The following CDC42BPA variants were observed in gnomAD, a reference collection of about 807,000 sequenced individuals.
CDC42BPA encodes the protein CDC42 binding protein kinase alpha.
In CDC42BPA, 80 loss-of-function variants were observed where a neutral mutation model predicts 223.5. The observed-to-expected ratio is 0.36, with a 90% CI of 0.30 to 0.43. The LOEUF is 0.43. Among genes scored for constraint, CDC42BPA ranks in the 20% least tolerant of loss-of-function variants. CDC42BPA has a pLI of 1.00. For synonymous variants in CDC42BPA, 694 were observed against 718.6 expected, an observed-to-expected ratio of 0.97 and a Z score of 0.55; for missense variants, 1,743 against 2,099.9, an observed-to-expected ratio of 0.83 and a Z score of 3.32.
At chr1:227,129,604 T>C (rs1230883072) in intron 10 of CDC42BPA, among the ~76,000 whole-genome samples, 2 of 128,556 alleles carry the variant, frequency 1.6e-5, no homozygotes, top group African/African-American at 3.0e-5. Context: ...GAGGTTGAGG[T>C]GGTAGTGAGC....
At chr1:227,033,872 C>G (rs935254149) in intron 26 of CDC42BPA, among the ~76,000 whole-genome samples, 9 of 152,184 alleles carry the variant, frequency 5.9e-5, no homozygotes, top group Non-Finnish European at 8.8e-5. Context: ...CTCCCTTAGT[C>G]TTACAGGCTT....
rs145018031 is a variant in CDC42BPA at position 226,994,323 on chromosome 1, C to T, written c.5210G>A (p.Arg1737Gln). 7.5e-5 allele frequency: 120 copies of T among 1,598,044 alleles called. No homozygotes were observed. Among genetic ancestry groups the T allele is most frequent in the Non-Finnish European group, 9.3e-5 (109 of 1,171,144 alleles). Reference sequence around the variant, plus strand: ...CTCCAGGGAGAGGCTCTTGGTTTTTCGGGGTGAAGCTGGGCTTGGGGGGCT... The same window carrying T: ...CTCCAGGGAGAGGCTCTTGGTTTTTTGGGGTGAAGCTGGGCTTGGGGGGCT... ...LSSPPSPASP[R>Q]KTKSLSLEST... The change falls in exon 37 of 37, where the codon CGA becomes CAA. Residue 1737 changes from arginine (R) to glutamine (Q), a missense_variant. Coordinates refer to ENST00000366766, the MANE Select transcript of CDC42BPA (RefSeq NM_001394014.1). The surrounding 1 kb of genome is among the most constrained non-coding windows in gnomAD (Gnocchi z 4.0).
intron 3 of CDC42BPA, among the ~76,000 whole-genome samples, chr1:227,210,326 A>G (rs1034060954): frequency 1.3e-5 from 2 of 152,312 alleles, no homozygotes; most frequent in South Asian, 2.1e-4. Flanking sequence ...TTCTATCAGC[A>G]TAATACTGAC....
chr1:227,222,930 A>G (rs1298074624), intron 2 of CDC42BPA, among the ~76,000 whole-genome samples: 18 of 152,122 alleles, frequency 1.2e-4, no homozygotes, highest in Admixed American at 1.2e-3. Context: ...TGGCCCCCAC[A>G]AGTTCCTGCC....
At chr1:227,073,596 TA>T (rs1198702566) in intron 19 of CDC42BPA, among the ~76,000 whole-genome samples, 3 of 152,104 alleles carry the variant, frequency 2.0e-5, no homozygotes, top group Non-Finnish European at 2.9e-5. Context: ...GAGAGTCAAC[TA>T]AATTTTATGA....
intron 6 of CDC42BPA, among the ~76,000 whole-genome samples, chr1:227,149,780 C>T (rs1042239142): frequency 1.3e-5 from 2 of 151,986 alleles, no homozygotes; most frequent in African/African-American, 2.4e-5. Context: ...AAGGCTAAGA[C>T]GTACAGACCC....
chr1:227,232,436 A>T (rs1281066049), intron 2 of CDC42BPA, among the ~76,000 whole-genome samples: 2 of 152,160 alleles, frequency 1.3e-5, no homozygotes, highest in Non-Finnish European at 2.9e-5. Context: ...TTGTCCGTCC[A>T]GCTTTGTTCC....
chr1:227,052,039 G>C, intron 21 of CDC42BPA, 54 bp from the exon 22 acceptor site: 2 of 1,100,602 alleles, frequency 1.8e-6, no homozygotes, highest in Non-Finnish European at 2.6e-6. Flanking sequence ...TTTCAACAAT[G>C]TGCAGGCTTA....
At chr1:227,266,294 GA>G (rs1265145593) in intron 1 of CDC42BPA, among the ~76,000 whole-genome samples, 1 of 152,132 alleles carries the variant, frequency 6.6e-6, no homozygotes, top group Non-Finnish European at 1.5e-5. Flanking sequence ...AGAACAAGGA[GA>G]AAGCCCTTTC....
intron 1 of CDC42BPA, among the ~76,000 whole-genome samples, chr1:227,301,112 T>C (rs1256277631): frequency 6.6e-6 from 1 of 152,214 alleles, no homozygotes; most frequent in Non-Finnish European, 1.5e-5. Context: ...GAATTTAACC[T>C]ACATAGGTTT....
chr1:227,162,532 C>G (rs887882660), intron 5 of CDC42BPA, among the ~76,000 whole-genome samples: 2 of 152,116 alleles, frequency 1.3e-5, no homozygotes, highest in Admixed American at 6.6e-5. Flanking sequence ...AAATATTATG[C>G]TTCATCAGCT....
chr1:227,078,104 C>G (rs559507072), intron 17 of CDC42BPA, among the ~76,000 whole-genome samples: 1 of 152,118 alleles, frequency 6.6e-6, no homozygotes, highest in Non-Finnish European at 1.5e-5. Context: ...AACTTTATTA[C>G]TCTTATTTCC....
Position 227,029,171 on chromosome 1 carries a change from T to C in CDC42BPA, c.3918A>G (p.Ser1306=), listed in dbSNP as rs1262763167. ...IPNDQLVAVI[S]GRNRHVRLFP... ...AAAGTCGTACATGACGATTTCGTCC[T>C]GAGATCACAGCAACAAGCTGATCAT... is the stretch of plus-strand genomic sequence containing the variant. Residue 1306 remains serine, a synonymous_variant, in exon 30 of 37, where the codon TCA becomes TCG. Transcript: ENST00000366766. The C allele has an allele frequency of 3.7e-6, 6 of 1,603,082 alleles. No individual in the cohort carries two copies. The East Asian group carries it at 1.1e-4, about 30-fold the overall frequency.
intron 21 of CDC42BPA, among the ~76,000 whole-genome samples, chr1:227,062,810 A>T (rs1216347433): frequency 6.6e-6 from 1 of 151,414 alleles, no homozygotes; most frequent in Non-Finnish European, 1.5e-5. Context: ...CCCATGTAAA[A>T]AGTGCTAAAA....
intron 1 of CDC42BPA, among the ~76,000 whole-genome samples, chr1:227,310,169 T>C (rs1213496904): frequency 1.3e-5 from 2 of 152,212 alleles, no homozygotes; most frequent in Admixed American, 6.5e-5. Context: ...CCAGACGCTC[T>C]GAAAAAAAGC....
rs149726943 is a variant in CDC42BPA at position 227,318,153 on chromosome 1, CG to C, written c.-972del. 27 of 166,230 alleles carry C rather than the reference CG, an allele frequency of 1.6e-4. No individual in the cohort carries two copies. In the South Asian group the frequency reaches 4.3e-3, roughly 26 times the overall value. 10.3% of individuals were successfully genotyped at this position (166,230 alleles called of 1,614,324 possible). On this transcript the variant is annotated 5_prime_UTR_variant, in exon 1 of 37. Coordinates refer to ENST00000366766, the MANE Select transcript of CDC42BPA (RefSeq NM_001394014.1). Reference sequence around the variant, plus strand: ...CGCCGGAGGCTCCCGACGCCCCAGGCGGGGGGGTGCTTCTCTGAATTCAAAG... The same window carrying C: ...CGCCGGAGGCTCCCGACGCCCCAGGCGGGGGGTGCTTCTCTGAATTCAAAG...
rs1264781960 is a variant in CDC42BPA, at chr1:227,080,903, T to C, written c.2470A>G (p.Ile824Val). 2 of 1,613,582 alleles carry C rather than the reference T, an allele frequency of 1.2e-6. No homozygotes were observed. Among genetic ancestry groups the C allele is most frequent in the African/African-American group, 1.3e-5 (1 of 74,928 alleles). The change falls in exon 17 of 37, where the codon ATA (isoleucine) becomes GTA (valine). Residue 824 changes from isoleucine to valine, a missense_variant. This residue lies in a region of CDC42BPA where 464 missense variants were observed against 488.0 expected (regional missense o/e 0.95). Coordinates refer to ENST00000366766, the MANE Select transcript of CDC42BPA (RefSeq NM_001394014.1). ...TAAAAGAGCACTCACCACTGAATTATTTCTGTGATTTGGGCTTCCCAATGT... is the reference window on the plus strand; with the variant it reads ...TAAAAGAGCACTCACCACTGAATTACTTCTGTGATTTGGGCTTCCCAATGT... Reference protein sequence around the residue: ...VAHWEAQITEIIQWVSDEKDA... With the variant: ...VAHWEAQITEVIQWVSDEKDA...
In CDC42BPA at chr1:227,246,286, C is replaced by T. The variant is rs186708314; in HGVS notation, c.270+7778G>A. On this transcript the variant is annotated intron_variant, in intron 2 of 36. Transcript: ENST00000366766. ...ATTGTGGTTTGAATGCCAGCACAGA[C>T]GTAGTAAAAATAAAACATCAGGTAG... Among the ~76,000 whole-genome samples, 550 of 152,272 alleles carry T rather than the reference C, an allele frequency of 3.6e-3. 1 individual carries two copies. Among genetic ancestry groups the T allele is most frequent in the Non-Finnish European group, 6.2e-3 (420 of 68,018 alleles).
At chr1:227,301,332 A>G (rs1691582237) in intron 1 of CDC42BPA, among the ~76,000 whole-genome samples, 1 of 152,006 alleles carries the variant, frequency 6.6e-6, no homozygotes, top group South Asian at 2.1e-4. Context: ...TGAAAATAAG[A>G]TCAGTGAAGT....
Sources: gnomAD v4.1 joint callset for allele counts (sites outside exome capture counted in the v4.1 genomes callset) on GRCh38, gnomAD v4.1.1 for gene constraint, gnomAD v4.1.1 regional missense constraint, Gnocchi (gnomAD v3.1) non-coding constraint, MANE v1.5 for transcripts, NCBI Gene and HGNC (gene_info 2026-07-23, HGNC 2026-07-21) for gene names.